Variants in NAA25 observed in about 807,000 individuals in gnomAD.
NAA25 encodes the protein N-alpha-acetyltransferase 25, NatB auxiliary subunit, also known as N-terminal acetyltransferase B complex subunit NAA25.
Under a neutral mutation model 132.5 loss-of-function variants are expected in NAA25, and 30 were observed. That is an observed-to-expected ratio of 0.23 (90% CI 0.17 to 0.31). The LOEUF (loss-of-function observed/expected upper bound fraction) is 0.31. Among genes scored for constraint, NAA25 ranks in the 10% least tolerant of loss-of-function variants. NAA25 has a pLI of 1.00. For missense variants in NAA25, 771 were observed against 1,150.4 expected (o/e 0.67, Z 4.77); for synonymous variants, 359 against 401.9 (o/e 0.89, Z 1.28).
chr12:112,092,142 G>A, intron 2 of NAA25, among the ~76,000 whole-genome samples: 1 of 152,126 alleles, frequency 6.6e-6, no homozygotes, highest in Admixed American at 6.5e-5. Context: ...TCAGGAGGCT[G>A]AGGCAGGAGA....
At chr12:112,098,821 G>A (rs1307121190) in intron 1 of NAA25, among the ~76,000 whole-genome samples, 1 of 151,954 alleles carries the variant, frequency 6.6e-6, no homozygotes, top group African/African-American at 2.4e-5. Context: ...GCAGTTGCGC[G>A]ATCCCAGCTC....
At chr12:112,046,438 T>A (rs1455330664) in intron 17 of NAA25, among the ~76,000 whole-genome samples, 1 of 152,256 alleles carries the variant, frequency 6.6e-6, no homozygotes, top group Non-Finnish European at 1.5e-5. Flanking sequence ...TGCAACTATA[T>A]GCTCAGCCCT....
rs772704061 is a variant in NAA25, at chr12:112,048,330, A to G, written c.1842T>C (p.Thr614=). 2 of 1,614,066 alleles carry G rather than the reference A, an allele frequency of 1.2e-6. No homozygotes were observed. The highest frequency in any genetic ancestry group is 2.7e-5 in the African/African-American group (2 of 75,052). Residue 614 remains threonine, a synonymous_variant, in exon 16 of 24, where the codon ACT becomes ACC. Transcript: ENST00000261745. ...GTAGAAGGTCTAACAGCATCCGTTC[A>G]GTACGGACTTGTGCAAAATGAAGAG... ...NNSLHFAQVR[T]ERMLLDLLLE...
In NAA25 at chr12:112,090,579, TAC is replaced by T. The variant is rs766725692; in HGVS notation, c.283+145_283+146del. The T allele has an allele frequency of 7.9e-4, 522 of 661,082 alleles. 2 individuals are homozygous for T. In the Middle Eastern group the frequency reaches 0.022, roughly 28 times the overall value. The allele number at this position is 661,082 out of a possible 1,614,324, so 41.0% of individuals were successfully genotyped here. A position where few individuals can be genotyped will look rare whatever the true frequency, so the allele number is the denominator to read the frequency against. On this transcript the variant is annotated intron_variant, in intron 3 of 23. Transcript: ENST00000261745. ...ATGCATGTAAACTATCCTTTCTATC[TAC>T]AGTTCTCGCAAACCCTGGCTAATGC...
intron 17 of NAA25, among the ~76,000 whole-genome samples, chr12:112,045,633 A>G (rs1319280617): frequency 6.6e-6 from 1 of 152,044 alleles, no homozygotes; most frequent in Non-Finnish European, 1.5e-5. Flanking sequence ...CATCTCTACT[A>G]AAAATACAAA....
intron 13 of NAA25, among the ~76,000 whole-genome samples, chr12:112,057,497 G>A (rs2078564435): frequency 1.3e-5 from 2 of 152,058 alleles, no homozygotes. Flanking sequence ...TGAATCTAGG[G>A]GCTCAAATAA....
At chr12:112,097,748 C>T (rs973232401) in intron 1 of NAA25, among the ~76,000 whole-genome samples, 3 of 152,228 alleles carry the variant, frequency 2.0e-5, no homozygotes, top group Non-Finnish European at 4.4e-5. Flanking sequence ...CTCCCTTCTC[C>T]AGCCACAGCT....
intron 8 of NAA25, 71 bp from the exon 9 acceptor site, chr12:112,074,835 T>C (rs145629961): frequency 0.014 from 14,110 of 1,002,024 alleles, 131 homozygotes; most frequent in Non-Finnish European, 0.018. Flanking sequence ...GGAACCATGA[T>C]ATTCAATTTA....
intron 1 of NAA25, among the ~76,000 whole-genome samples, chr12:112,108,255 A>G (rs1304803765): frequency 6.6e-6 from 1 of 151,966 alleles, no homozygotes; most frequent in African/African-American, 2.4e-5. Context: ...TCTCCTATGC[A>G]CCGAAGCCCA....
intron 10 of NAA25, among the ~76,000 whole-genome samples, chr12:112,070,633 G>A (rs899260319): frequency 6.6e-6 from 1 of 151,920 alleles, no homozygotes; most frequent in African/African-American, 2.4e-5. Context: ...GCTGGAGTGC[G>A]GTGGCGCGAT....
At chr12:112,107,651 CCAAAACGATTCCCACCTTGGA>C (rs1273401695) in intron 1 of NAA25, among the ~76,000 whole-genome samples, 1 of 152,120 alleles carries the variant, frequency 6.6e-6, no homozygotes, top group African/African-American at 2.4e-5. Flanking sequence ...CCCCCCGCTC[CCAAAACGATTCCCACCTTGGA>C]GAGAAGCCTC....
At chr12:112,069,540 G>A (rs1441504034) in intron 10 of NAA25, among the ~76,000 whole-genome samples, 1 of 152,034 alleles carries the variant, frequency 6.6e-6, no homozygotes, top group Non-Finnish European at 1.5e-5. Flanking sequence ...TATAAAATAG[G>A]CTGGGTGCAG....
At chr12:112,105,690 A>G (rs183759597) in intron 1 of NAA25, among the ~76,000 whole-genome samples, 25 of 152,322 alleles carry the variant, frequency 1.6e-4, no homozygotes, top group African/African-American at 5.8e-4. Context: ...AAATCCTGAA[A>G]CCTTGGCAGT....
chr12:112,056,369 T>G (rs115625276), intron 13 of NAA25, among the ~76,000 whole-genome samples: 1,730 of 151,344 alleles, frequency 0.011, 14 homozygotes, highest in Non-Finnish European at 0.018. Flanking sequence ...ATAAAAAATT[T>G]AAAAAAATTT....
At chr12:112,094,494 G>A (rs1047872694) in intron 1 of NAA25, among the ~76,000 whole-genome samples, 5 of 152,036 alleles carry the variant, frequency 3.3e-5, no homozygotes, top group African/African-American at 9.7e-5. Context: ...CTACCAAGTG[G>A]ACTATGTTCC....
Position 112,093,129 on chromosome 12 carries a change from A to G in NAA25, c.66T>C (p.Leu22=). 6.3e-7 allele frequency: 1 copy of G among 1,597,468 alleles called. No homozygotes were observed. Among genetic ancestry groups the G allele is most frequent in the Non-Finnish European group, 8.6e-7 (1 of 1,166,870 alleles). The change falls in exon 2 of 24, where the codon CTT becomes CTC. Residue 22 remains leucine (L), a synonymous_variant. Coordinates refer to ENST00000261745, the MANE Select transcript of NAA25 (RefSeq NM_024953.4). ...TTGCCATTTTATTATTACCATTGTC[A>G]AGATAATCTATGAAAAAACAAATTA... is the stretch of plus-strand genomic sequence containing the variant. ...DRRLRPIYDY[L]DNGNNKMAIQ...
chr12:112,058,127 A>G (rs1211758346), intron 13 of NAA25, among the ~76,000 whole-genome samples: 1 of 152,112 alleles, frequency 6.6e-6, no homozygotes, highest in Non-Finnish European at 1.5e-5. Flanking sequence ...AGCCTGGGCA[A>G]TAGAGCGAGA....
chr12:112,090,827 T>C lies in NAA25; in HGVS notation c.182A>G (p.Gln61Arg), dbSNP rs1214110547. 4 of 1,613,768 alleles carry C rather than the reference T, an allele frequency of 2.5e-6. No individual in the cohort carries two copies. Among genetic ancestry groups the C allele is most frequent in the Non-Finnish European group, 3.4e-6 (4 of 1,179,944 alleles). Residue 61 changes from glutamine (Q) to arginine (R), a missense_variant, in exon 3 of 24, where the codon CAA (glutamine) becomes CGA (arginine). Transcript: ENST00000261745. ...KAIGLQRTGK[Q>R]EEAFTLAQEV... ...CTGTGCAAGAGTAAAGGCTTCCTCT[T>C]GCTTTCCAGTTCTCTGTAAACCAAT... is the stretch of plus-strand genomic sequence containing the variant.
intron 13 of NAA25, among the ~76,000 whole-genome samples, chr12:112,058,909 T>C (rs1302165816): frequency 1.3e-5 from 2 of 151,312 alleles, no homozygotes; most frequent in Admixed American, 1.3e-4. Context: ...ATACAAAAAA[T>C]TAGCCAGGCA....
Sources: gnomAD v4.1 joint callset for allele counts (sites outside exome capture counted in the v4.1 genomes callset) on GRCh38, gnomAD v4.1.1 for gene constraint, MANE v1.5 for transcripts, NCBI Gene and HGNC (gene_info 2026-07-23, HGNC 2026-07-21) for gene names.